The following RDH11 variants were observed in gnomAD, a reference collection of about 807,000 sequenced individuals.
RDH11 encodes the protein retinol dehydrogenase 11, also known as HCV core-binding protein HCBP12.
In RDH11, 19 loss-of-function variants were observed where a neutral mutation model predicts 33.4. The ratio of observed to expected loss-of-function variants is 0.57; its 90% CI spans 0.40 to 0.83. RDH11 has a LOEUF of 0.83. RDH11 is among the 40% of genes least tolerant of loss of function. RDH11 has a pLI of 0.00. For missense variants in RDH11, 353 were observed against 389.0 expected (o/e 0.91, Z 0.78); for synonymous variants, 154 against 155.3 (o/e 0.99, Z 0.06).
At chr14:67,679,188 G>C (rs551062505) in intron 6 of RDH11, among the ~76,000 whole-genome samples, 9 of 152,224 alleles carry the variant, frequency 5.9e-5, no homozygotes, top group Middle Eastern at 3.4e-3. Context: ...CCTTTAATAA[G>C]GAACCACTCC....
At chr14:67,690,988 T>G in intron 4 of RDH11, 152 bp downstream of exon 4, 1 of 642,094 alleles carries the variant, frequency 1.6e-6, no homozygotes, top group Non-Finnish European at 2.8e-6. Context: ...CAGGTATTCC[T>G]CAGCTATCAG....
At chr14:67,684,177 T>G (rs957094067) in intron 6 of RDH11, among the ~76,000 whole-genome samples, 7 of 152,210 alleles carry the variant, frequency 4.6e-5, no homozygotes, top group Non-Finnish European at 1.0e-4. Flanking sequence ...CTGGGGCTCC[T>G]CCACAAGGCT....
chr14:67,693,862 G>C (rs1369359342), intron 1 of RDH11, among the ~76,000 whole-genome samples: 5 of 152,074 alleles, frequency 3.3e-5, no homozygotes, highest in African/African-American at 1.2e-4. Flanking sequence ...CGCTGGCCAG[G>C]ATGGTCTCGA....
Position 67,691,242 on chromosome 14 carries a change from C to G in RDH11, c.352G>C (p.Glu118Gln), listed in dbSNP as rs770608019. The G allele has an allele frequency of 1.9e-5, 30 of 1,611,778 alleles. No individual in the cohort carries two copies. The East Asian group carries it at 6.7e-4, about 36-fold the overall frequency. The change falls in exon 4 of 7, where the codon GAA becomes CAA. Residue 118 changes from glutamate to glutamine, a missense_variant and splice_region_variant. Physicochemically the swap from Glu to Gln is conservative, Grantham distance 29. Transcript: ENST00000381346. The stretch of plus-strand genomic sequence containing the variant: ...TTGATCAAAACGTGGAGGTGCTTTT[C>G]CTCTGCAGGGACAAGACGATGGAGC... ...RAFAKGFLAEEKHLHVLINNA... is the reference protein window; with the variant it reads ...RAFAKGFLAEQKHLHVLINNA...
At chr14:67,694,128 TG>T (rs1163793337) in intron 1 of RDH11, among the ~76,000 whole-genome samples, 9 of 152,168 alleles carry the variant, frequency 5.9e-5, no homozygotes, top group Admixed American at 5.9e-4. Flanking sequence ...CCTTTTTCAT[TG>T]AACTTGGAAT....
In RDH11 at chr14:67,695,714, T is replaced by C. The variant is rs948129135; in HGVS notation, c.-11A>G. On this transcript the variant is annotated 5_prime_UTR_variant, in exon 1 of 7. Coordinates refer to ENST00000381346, the MANE Select transcript of RDH11 (RefSeq NM_016026.4). ...CATGAGCTCAACCATCTCTGCCGGCTGCAGCGGCACCAGAGCGGGATGCTC... is the reference window on the plus strand; with the variant it reads ...CATGAGCTCAACCATCTCTGCCGGCCGCAGCGGCACCAGAGCGGGATGCTC... The C allele has an allele frequency of 5.0e-6, 8 of 1,613,442 alleles. No homozygotes were observed. In the East Asian group the frequency reaches 1.6e-4, roughly 31 times the overall value.
intron 6 of RDH11, among the ~76,000 whole-genome samples, chr14:67,680,896 A>G (rs1307571621): frequency 6.6e-6 from 1 of 152,234 alleles, no homozygotes; most frequent in Admixed American, 6.5e-5. Context: ...AGTAATCAAG[A>G]TAGTGTGATA....
Position 67,692,401 on chromosome 14 carries a change from A to C in RDH11, c.349+37T>G, listed in dbSNP as rs770568787. 1.9e-6 allele frequency: 3 copies of C among 1,609,128 alleles called. No homozygotes were observed. The Admixed American group carries it at 5.1e-5, about 27-fold the overall frequency. On this transcript the variant is annotated intron_variant, in intron 3 of 6. Coordinates refer to ENST00000381346, the MANE Select transcript of RDH11 (RefSeq NM_016026.4). ...TAGTTGAATCTGCCATGTTGACCTCAAGACCCACAACATAGTCTCTCTAGT... is the reference window on the plus strand; with the variant it reads ...TAGTTGAATCTGCCATGTTGACCTCCAGACCCACAACATAGTCTCTCTAGT...
chr14:67,678,472 T>G (rs1235371548), intron 6 of RDH11, 49 bp from the exon 7 acceptor site: 2 of 1,255,404 alleles, frequency 1.6e-6, no homozygotes, highest in East Asian at 4.6e-5. Context: ...GAATGAAGTC[T>G]GCCATCTGCC....
At chr14:67,686,749 T>C (rs925303959) in intron 5 of RDH11, among the ~76,000 whole-genome samples, 2 of 151,800 alleles carry the variant, frequency 1.3e-5, no homozygotes, top group Non-Finnish European at 2.9e-5. Context: ...GGGCCAGACA[T>C]ACTTCAATTT....
chr14:67,692,719 T>C lies in RDH11; in HGVS notation c.194-126A>G, dbSNP rs941094129. The C allele has an allele frequency of 6.1e-6, 7 of 1,152,896 alleles. No homozygotes were observed. The African/African-American group carries it at 1.1e-4, about 18-fold the overall frequency. The allele number at this position is 1,152,896 out of a possible 1,614,324, so 71.4% of individuals were successfully genotyped here. Reference sequence around the variant, plus strand: ...TTACCCTTTCTTCACAACAGAGGTATCTGATTAGCAAATAGGTAAAGAAAA... The same window carrying C: ...TTACCCTTTCTTCACAACAGAGGTACCTGATTAGCAAATAGGTAAAGAAAA... On this transcript the variant is annotated intron_variant, in intron 2 of 6. Transcript: ENST00000381346.
chr14:67,683,360 T>A (rs931291899), intron 6 of RDH11, among the ~76,000 whole-genome samples: 2 of 152,108 alleles, frequency 1.3e-5, no homozygotes, highest in African/African-American at 4.8e-5. Flanking sequence ...ACTATATAAA[T>A]CTATCTTCTT....
intron 6 of RDH11, among the ~76,000 whole-genome samples, chr14:67,680,115 C>A (rs369675769): frequency 1.3e-5 from 2 of 152,142 alleles, no homozygotes; most frequent in African/African-American, 2.4e-5. Context: ...GGGTTGTGGT[C>A]CAGGAATCTA....
intron 6 of RDH11, among the ~76,000 whole-genome samples, chr14:67,679,982 C>A (rs2037594419): frequency 2.0e-5 from 3 of 152,300 alleles, no homozygotes; most frequent in Middle Eastern, 6.8e-3. Context: ...AAACTCTTAA[C>A]ACTATGTCAA....
intron 1 of RDH11, among the ~76,000 whole-genome samples, chr14:67,694,837 C>T (rs974639699): frequency 2.6e-5 from 4 of 152,136 alleles, no homozygotes; most frequent in African/African-American, 7.2e-5. Flanking sequence ...CTAAGACCGC[C>T]CACCTGGGGA....
rs1349210156 is a variant in RDH11, at chr14:67,677,345, T to G, written c.*976A>C. ...TTTCTGAATGAAGAATTGTTTTTTT[T>G]GTTTGTTTGTTTTTAGGATTTTTTT... On this transcript the variant is annotated 3_prime_UTR_variant, in exon 7 of 7. Coordinates refer to ENST00000381346, the MANE Select transcript of RDH11 (RefSeq NM_016026.4). The G allele has an allele frequency of 7.6e-6, 1 of 131,200 alleles. No homozygotes were observed. Among genetic ancestry groups the G allele is most frequent in the Non-Finnish European group, 1.6e-5 (1 of 62,272 alleles). 8.1% of individuals were successfully genotyped at this position (131,200 alleles called of 1,614,324 possible).
chr14:67,678,897 CAT>C (rs1594846622), intron 6 of RDH11, among the ~76,000 whole-genome samples: 1 of 151,544 alleles, frequency 6.6e-6, no homozygotes, highest in South Asian at 2.1e-4. Context: ...TTAGTAAACT[CAT>C]ATGAGAAGTA....
intron 6 of RDH11, chr14:67,684,383 G>A (rs1458743029): frequency 6.6e-6 from 1 of 152,190 alleles, no homozygotes; most frequent in African/African-American, 2.4e-5. Context: ...GAAAGGGGTA[G>A]AGAATGGGGA....
At chr14:67,694,172 C>A (rs559060738) in intron 1 of RDH11, among the ~76,000 whole-genome samples, 2 of 152,086 alleles carry the variant, frequency 1.3e-5, no homozygotes, top group African/African-American at 4.8e-5. Flanking sequence ...ATTGAAGCTA[C>A]CTGCATAGTG....
Sources: allele counts gnomAD v4.1 joint callset (sites outside exome capture counted in the v4.1 genomes callset), GRCh38; gene constraint gnomAD v4.1.1; transcripts MANE v1.5; gene names NCBI Gene and HGNC (gene_info 2026-07-23, HGNC 2026-07-21).